The following NR3C2 variants were observed in gnomAD, a reference collection of about 807,000 sequenced individuals.
The protein encoded by NR3C2 is nuclear receptor subfamily 3 group C member 2.
In NR3C2, 15 loss-of-function variants were observed where a neutral mutation model predicts 86.4. That is an observed-to-expected ratio of 0.17 (90% CI 0.12 to 0.27). The LOEUF (loss-of-function observed/expected upper bound fraction) is 0.27, where lower values mean the gene tolerates loss of function less well. NR3C2 is among the 10% of genes least tolerant of loss of function. NR3C2 has a pLI of 1.00. For missense variants in NR3C2, 960 were observed against 1,195.6 expected (o/e 0.80, Z 2.91); for synonymous variants, 458 against 450.5 (o/e 1.02, Z -0.21).
In NR3C2 at chr4:148,132,216, A is replaced by C. The variant is rs143906660; in HGVS notation, c.2511-11928T>G. On this transcript the variant is annotated intron_variant, in intron 6 of 8. Transcript: ENST00000358102. ...TATCTGTGATAAATCACATTACAAA[A>C]ATGTTTTGCTTGACCAAAGGTTTAA... Among the ~76,000 whole-genome samples, 196 of 152,304 alleles carry C rather than the reference A, an allele frequency of 1.3e-3. 6 individuals are homozygous for C. In the East Asian group the frequency reaches 0.033, roughly 26 times the overall value.
At chr4:148,380,033 T>A (rs1278280556) in intron 2 of NR3C2, among the ~76,000 whole-genome samples, 1 of 152,238 alleles carries the variant, frequency 6.6e-6, no homozygotes, top group African/African-American at 2.4e-5. Context: ...AGGGTAAATA[T>A]AATGGCTGTA....
rs781744308 is a variant in NR3C2, at chr4:148,435,741, A to G, written c.1120T>C (p.Phe374Leu). The G allele has an allele frequency of 3.7e-6, 6 of 1,614,182 alleles. No homozygotes were observed. The South Asian group carries it at 6.6e-5, about 18-fold the overall frequency. Residue 374 changes from phenylalanine to leucine, a missense_variant, in exon 2 of 9, where the codon TTT becomes CTT. Phe to Leu is a conservative substitution (Grantham distance 22). Transcript: ENST00000358102. The part of the protein sequence containing the change: ...TQEKGAQEVP[F>L]PKTEEVESAI... The stretch of plus-strand genomic sequence containing the variant: ...CTCTCTACTTCCTCAGTCTTAGGAA[A>G]AGGGACCTCTTGAGCACCTTTCTCC...
At chr4:148,181,124 A>T (rs1735625348) in intron 4 of NR3C2, among the ~76,000 whole-genome samples, 1 of 152,222 alleles carries the variant, frequency 6.6e-6, no homozygotes, top group African/African-American at 2.4e-5. Flanking sequence ...GGAAAACTAC[A>T]GATACTTGTT....
intron 2 of NR3C2, among the ~76,000 whole-genome samples, chr4:148,338,577 C>T (rs1744603141): frequency 6.6e-6 from 1 of 152,006 alleles, no homozygotes. Context: ...AGCTAAAATA[C>T]AGGAAGAAAG....
chr4:148,346,466 C>A (rs1319870670), intron 2 of NR3C2, among the ~76,000 whole-genome samples: 1 of 151,994 alleles, frequency 6.6e-6, no homozygotes, highest in Non-Finnish European at 1.5e-5. Context: ...CAGGCCGAGT[C>A]TGAAGTGCTT....
At chr4:148,303,705 T>C (rs1579128366) in intron 2 of NR3C2, among the ~76,000 whole-genome samples, 1 of 152,022 alleles carries the variant, frequency 6.6e-6, no homozygotes, top group Non-Finnish European at 1.5e-5. Flanking sequence ...AGGCAGACGA[T>C]AATGGAAGTT....
intron 3 of NR3C2, among the ~76,000 whole-genome samples, chr4:148,240,595 G>C (rs763685115): frequency 6.6e-6 from 1 of 152,158 alleles, no homozygotes; most frequent in Admixed American, 6.5e-5. Flanking sequence ...AATATACAGC[G>C]ACAGGGGCGG....
At chr4:148,195,877 C>G (rs540310436) in intron 3 of NR3C2, among the ~76,000 whole-genome samples, 1 of 152,314 alleles carries the variant, frequency 6.6e-6, no homozygotes, top group Admixed American at 6.5e-5. Flanking sequence ...AGCCACATCA[C>G]ATAGGTCCTT....
chr4:148,323,536 G>A (rs192977801), intron 2 of NR3C2, among the ~76,000 whole-genome samples: 2,899 of 116,286 alleles, frequency 0.025, 93 homozygotes, highest in African/African-American at 0.083. Flanking sequence ...GCGAGACTCC[G>A]TGAGTGTAGG....
chr4:148,339,556 T>G (rs917152128), intron 2 of NR3C2, among the ~76,000 whole-genome samples: 2 of 152,214 alleles, frequency 1.3e-5, no homozygotes, highest in African/African-American at 2.4e-5. Flanking sequence ...TTTGGCATAT[T>G]AGAGATGAGC....
At chr4:148,303,654 G>A (rs1446605223) in intron 2 of NR3C2, among the ~76,000 whole-genome samples, 6 of 151,892 alleles carry the variant, frequency 4.0e-5, no homozygotes, top group South Asian at 2.1e-4. Context: ...CAAGCTTCAC[G>A]TTGAAGTCCT....
At chr4:148,379,779 T>A (rs1453509146) in intron 2 of NR3C2, among the ~76,000 whole-genome samples, 6 of 152,034 alleles carry the variant, frequency 3.9e-5, no homozygotes, top group African/African-American at 1.2e-4. Context: ...AGCTTAACGA[T>A]AATAAGAAGC....
intron 2 of NR3C2, among the ~76,000 whole-genome samples, chr4:148,404,986 A>T (rs543873850): frequency 9.8e-5 from 15 of 152,316 alleles, no homozygotes; most frequent in African/African-American, 3.6e-4. Flanking sequence ...TGTTTACCAA[A>T]TTATGTCAGT....
chr4:148,270,261 C>T (rs370150521), intron 2 of NR3C2, among the ~76,000 whole-genome samples: 1 of 152,106 alleles, frequency 6.6e-6, no homozygotes, highest in African/African-American at 2.4e-5. Flanking sequence ...TTTCCTTGCC[C>T]TTGGTACTGC....
At position 148,183,117 on chromosome 4, in the gene NR3C2, C is replaced by T. The variant is rs184923612; in HGVS notation, c.2014+11629G>A. 2.3e-4 allele frequency among the ~76,000 whole-genome samples: 35 copies of T among 152,224 alleles called. No homozygotes were observed. In the East Asian group the frequency reaches 4.2e-3, roughly 18 times the overall value. On this transcript the variant is annotated intron_variant, in intron 4 of 8. Transcript: ENST00000358102. ...ATAGTTTGCTGAGAATGATGGTTTC[C>T]AGCTTCATCCATGTCCCTGTAAAGG...
At chr4:148,209,105 G>A (rs1343375261) in intron 3 of NR3C2, among the ~76,000 whole-genome samples, 1 of 152,048 alleles carries the variant, frequency 6.6e-6, no homozygotes, top group Non-Finnish European at 1.5e-5. Flanking sequence ...TTAGCTGGGT[G>A]TGGTGGCATG....
In NR3C2 at chr4:148,114,160, C is replaced by G; in HGVS notation, c.2743G>C (p.Gly915Arg). 1 of 1,613,876 alleles carries G rather than the reference C, an allele frequency of 6.2e-7. No homozygotes were observed. The stretch of plus-strand genomic sequence containing the variant: ...TGGTAGAACCTCTGCCAGCTCTGCC[C>G]AGAATTGTTGGGACACTTAGTTACC... ...KMVTKCPNNS[G>R]QSWQRFYQLT... The change falls in exon 8 of 9, where the codon GGG (glycine) becomes CGG (arginine). Residue 915 changes from glycine (G) to arginine (R), a missense_variant. Around this residue, in one of 4 missense-constraint regions of NR3C2, gnomAD observed 151 missense variants for 296.3 expected, o/e 0.51. Transcript: ENST00000358102.
intron 6 of NR3C2, among the ~76,000 whole-genome samples, chr4:148,136,074 A>AAAC (rs539176810): frequency 2.4e-5 from 1 of 42,308 alleles, no homozygotes; most frequent in African/African-American, 6.0e-5. Context: ...AAAAAAAAAA[A>AAAC]AACAAAAAAA....
Position 148,413,481 on chromosome 4 carries a change from T to A in NR3C2, c.1757+21623A>T, listed in dbSNP as rs918562329. ...AAGCACAAACCTTAAGCAGTAAAAA[T>A]TGAAATTTTGATGACATCAAAATTT... On this transcript the variant is annotated intron_variant, in intron 2 of 8. Coordinates refer to ENST00000358102, the MANE Select transcript of NR3C2 (RefSeq NM_000901.5). Among the ~76,000 whole-genome samples the A allele has an allele frequency of 3.8e-4, 58 of 151,918 alleles. 1 individual carries two copies. The highest frequency in any genetic ancestry group is 1.5e-4 in the Non-Finnish European group (10 of 67,974).
Sources: allele counts gnomAD v4.1 joint callset (sites outside exome capture counted in the v4.1 genomes callset), GRCh38; gene constraint gnomAD v4.1.1; regional missense constraint gnomAD v4.1.1; transcripts MANE v1.5; gene names NCBI Gene and HGNC (gene_info 2026-07-23, HGNC 2026-07-21).